RTTN: variants seen among roughly 807,000 people sequenced by gnomAD.
The protein encoded by RTTN is rotatin.
RTTN carries 182 observed loss-of-function variants against 269.2 expected under a neutral mutation model. That is an observed-to-expected ratio of 0.68 (90% CI 0.60 to 0.76). The LOEUF is 0.76. Among genes scored for constraint, RTTN ranks in the 30% least tolerant of loss-of-function variants. RTTN has a pLI of 0.00. For synonymous variants in RTTN, 1,006 were observed against 963.5 expected, an observed-to-expected ratio of 1.04 and a Z score of -0.82; for missense variants, 2,545 against 2,608.6, an observed-to-expected ratio of 0.98 and a Z score of 0.53.
intron 44 of RTTN, chr18:70,021,026 C>T (rs1162828293): frequency 4.7e-6 from 2 of 424,854 alleles, no homozygotes; most frequent in East Asian, 3.3e-5. Context: ...CACTAAAGCA[C>T]TTTAAGACAC....
intron 28 of RTTN, among the ~76,000 whole-genome samples, chr18:70,104,430 C>T (rs1014480160): frequency 1.3e-5 from 2 of 152,248 alleles, no homozygotes; most frequent in African/African-American, 2.4e-5. Context: ...GTGATGGGTT[C>T]GAACATCCTC....
intron 28 of RTTN, among the ~76,000 whole-genome samples, chr18:70,107,039 GA>G (rs1380263583): frequency 6.6e-6 from 1 of 152,174 alleles, no homozygotes; most frequent in Non-Finnish European, 1.5e-5. Flanking sequence ...GCAAAAGCAA[GA>G]ATAGACAAAG....
chr18:70,195,319 T>G (rs1484074769), intron 7 of RTTN, among the ~76,000 whole-genome samples: 1 of 152,262 alleles, frequency 6.6e-6, no homozygotes, highest in Non-Finnish European at 1.5e-5. Flanking sequence ...TTTCTCTGAC[T>G]ATCCTAAATG....
chr18:70,086,225 C>T (rs1317648138), intron 32 of RTTN, among the ~76,000 whole-genome samples: 1 of 152,090 alleles, frequency 6.6e-6, no homozygotes, highest in Non-Finnish European at 1.5e-5. Context: ...AGACTCAAAG[C>T]AAAGGCGTAC....
intron 11 of RTTN, among the ~76,000 whole-genome samples, chr18:70,170,684 T>C (rs1313795736): frequency 3.9e-5 from 6 of 152,188 alleles, no homozygotes; most frequent in Admixed American, 3.9e-4. Flanking sequence ...TGTCCTCTGC[T>C]GAAAGCCACT....
chr18:70,197,333 G>A (rs993750636), intron 6 of RTTN, among the ~76,000 whole-genome samples: 2 of 152,152 alleles, frequency 1.3e-5, no homozygotes, highest in African/African-American at 4.8e-5. Context: ...CTTTTAATAA[G>A]GGCTCCTGCA....
chr18:70,092,735 T>A lies in RTTN; in HGVS notation c.3973A>T (p.Ser1325Cys), dbSNP rs1395673300. The A allele has an allele frequency of 6.2e-7, 1 of 1,613,812 alleles. No homozygotes were observed. The highest frequency in any genetic ancestry group is 8.5e-7 in the Non-Finnish European group (1 of 1,179,768). ...MSFMGKGVTK[S>C]TILCLLHLSH... ...AAGTGAAGCAAGCAAAGAATTGTGC[T>A]CTTTGTAACACCTTTTCCCATGAAG... The change falls in exon 29 of 49, where the codon AGC (serine) becomes TGC (cysteine). Residue 1325 changes from serine to cysteine, a missense_variant. Coordinates refer to ENST00000640769, the MANE Select transcript of RTTN (RefSeq NM_173630.4).
chr18:70,013,424 T>C (rs2145480145), intron 46 of RTTN, among the ~76,000 whole-genome samples: 1 of 152,164 alleles, frequency 6.6e-6, no homozygotes, highest in South Asian at 2.1e-4. Context: ...TGTGTGTGTG[T>C]GTGTGTGTGT....
At chr18:70,120,159 C>G (rs952804703) in intron 26 of RTTN, among the ~76,000 whole-genome samples, 5 of 152,022 alleles carry the variant, frequency 3.3e-5, no homozygotes, top group Admixed American at 1.3e-4. Context: ...AGAGAAAAAC[C>G]TGAGATAGCA....
rs1488130722 is a variant in RTTN, at chr18:70,024,783, A to T, written c.5889T>A (p.Asp1963Glu). 1.9e-6 allele frequency: 3 copies of T among 1,613,850 alleles called. No homozygotes were observed. Among genetic ancestry groups the T allele is most frequent in the African/African-American group, 1.3e-5 (1 of 74,938 alleles). The change falls in exon 44 of 49, where the codon GAT becomes GAA. Residue 1963 changes from aspartate (D) to glutamate (E), a missense_variant. Asp to Glu is a conservative substitution (Grantham distance 45, BLOSUM62 2). Transcript: ENST00000640769. ...LHSLWPWILMDDSLMQISLQL... is the reference protein window; with the variant it reads ...LHSLWPWILMEDSLMQISLQL... ...GCAGAGAAATTTGCATCAATGAATC[A>T]TCCATCAAAATCCAAGGCCAGAGAG...
intron 44 of RTTN, chr18:70,021,050 A>G: frequency 2.5e-6 from 1 of 395,444 alleles, no homozygotes; most frequent in Non-Finnish European, 4.5e-6. Context: ...GTTTATTTTT[A>G]AAAAAAGAAT....
rs759881269 is a variant in RTTN at position 70,109,734 on chromosome 18, G to C, written c.3684-17C>G. 1.2e-6 allele frequency: 2 copies of C among 1,606,368 alleles called. No homozygotes were observed. Among genetic ancestry groups the C allele is most frequent in the Non-Finnish European group, 1.7e-6 (2 of 1,173,894 alleles). On this transcript the variant is annotated splice_polypyrimidine_tract_variant and intron_variant, in intron 27 of 48. Coordinates refer to ENST00000640769, the MANE Select transcript of RTTN (RefSeq NM_173630.4). ...GAGCATTTCCTATGTATGCAAAAGA[G>C]GGAAAATCAACCACCAAGAAAGTAT...
intron 14 of RTTN, among the ~76,000 whole-genome samples, chr18:70,157,462 CCCAT>C (rs1599825104): frequency 6.6e-6 from 1 of 152,200 alleles, no homozygotes; most frequent in Non-Finnish European, 1.5e-5. Context: ...AGCAAAAGGC[CCCAT>C]CCAAAGTACA....
intron 25 of RTTN, among the ~76,000 whole-genome samples, chr18:70,124,132 T>G (rs1196074348): frequency 6.6e-6 from 1 of 151,964 alleles, no homozygotes; most frequent in African/African-American, 2.4e-5. Context: ...AAATTATAGT[T>G]ATGTTTAAAT....
intron 38 of RTTN, chr18:70,053,591 T>C (rs1464465976): frequency 6.6e-6 from 1 of 152,268 alleles, no homozygotes; most frequent in Non-Finnish European, 1.5e-5. Context: ...TACTTCATTA[T>C]AAATGATTGT....
intron 40 of RTTN, among the ~76,000 whole-genome samples, chr18:70,038,073 G>C (rs937317572): frequency 1.3e-5 from 2 of 152,188 alleles, no homozygotes; most frequent in Non-Finnish European, 2.9e-5. Context: ...ATTGTGGTTT[G>C]AGTGCCAGGT....
At chr18:70,086,510 G>T in intron 32 of RTTN, 103 bp downstream of exon 32, 4 of 949,218 alleles carry the variant, frequency 4.2e-6, no homozygotes, top group Non-Finnish European at 6.6e-6. Flanking sequence ...TTGCTGTCTT[G>T]TATATAGTTT....
chr18:70,086,243 T>C (rs1407182133), intron 32 of RTTN, among the ~76,000 whole-genome samples: 1 of 152,200 alleles, frequency 6.6e-6, no homozygotes, highest in Non-Finnish European at 1.5e-5. Context: ...TACCACTGAC[T>C]AGCTGTGTGA....
chr18:70,098,823 G>A (rs1342145029), intron 28 of RTTN, among the ~76,000 whole-genome samples: 1 of 152,038 alleles, frequency 6.6e-6, no homozygotes, highest in Non-Finnish European at 1.5e-5. Context: ...GCCCTGGTGT[G>A]TGATGTTCCC....
Sources: allele counts gnomAD v4.1 joint callset (sites outside exome capture counted in the v4.1 genomes callset), GRCh38; gene constraint gnomAD v4.1.1; transcripts MANE v1.5; gene names NCBI Gene and HGNC (gene_info 2026-07-23, HGNC 2026-07-21).